EPB41L4A: variants seen among roughly 807,000 people sequenced by gnomAD.
EPB41L4A encodes band 4.1-like protein 4A.
A neutral mutation model predicts 108.6 loss-of-function variants in EPB41L4A; 100 were observed. The observed-to-expected ratio is 0.92, with a 90% confidence interval of 0.78 to 1.09. The LOEUF (loss-of-function observed/expected upper bound fraction) is 1.09, where lower values mean the gene tolerates loss of function less well. Ranked by LOEUF, EPB41L4A falls within the 50% of genes least tolerant of loss-of-function variation. The probability of loss-of-function intolerance (pLI) is 0.00; values close to 1 mark genes in which losing one functional copy is unlikely to be tolerated. For synonymous variants in EPB41L4A, 319 were observed against 289.0 expected (o/e 1.10, Z -1.05); for missense variants, 1,030 against 842.7 (o/e 1.22, Z -2.75).
At chr5:112,259,859 G>C (rs747242961) in intron 8 of EPB41L4A, 32 bp downstream of exon 8, 12 of 1,552,240 alleles carry the variant, frequency 7.7e-6, no homozygotes, top group African/African-American at 1.4e-5. Flanking sequence ...CCAAAACATA[G>C]AATGCCAACT....
chr5:112,388,260 T>C (rs1275935083), intron 1 of EPB41L4A, among the ~76,000 whole-genome samples: 4 of 152,152 alleles, frequency 2.6e-5, no homozygotes, highest in Non-Finnish European at 4.4e-5. Context: ...AAAAGTGCAA[T>C]GCAAAGCTGA....
At chr5:112,279,635 A>G (rs972325589) in intron 3 of EPB41L4A, among the ~76,000 whole-genome samples, 1 of 152,166 alleles carries the variant, frequency 6.6e-6, no homozygotes, top group African/African-American at 2.4e-5. Context: ...TTTTTTAAAA[A>G]GAGTATTTTT....
intron 1 of EPB41L4A, among the ~76,000 whole-genome samples, chr5:112,328,037 C>G (rs757411280): frequency 2.0e-5 from 3 of 152,082 alleles, no homozygotes; most frequent in African/African-American, 7.2e-5. Context: ...AGGCCGGACA[C>G]GGTGGCTCAC....
chr5:112,419,073 G>C lies in EPB41L4A; in HGVS notation c.-34C>G, dbSNP rs750835761. 1 of 1,556,406 alleles carries C rather than the reference G, an allele frequency of 6.4e-7. No individual in the cohort carries two copies. Among genetic ancestry groups the C allele is most frequent in the Non-Finnish European group, 8.9e-7 (1 of 1,129,392 alleles). On this transcript the variant is annotated 5_prime_UTR_variant, in exon 1 of 23. Transcript: ENST00000261486. ...TGGTCGTCTCCAGCCAGGAGAGAAAGCTACCACCGAGGCGCCCAGCCGCCC... is the reference window on the plus strand; with the variant it reads ...TGGTCGTCTCCAGCCAGGAGAGAAACCTACCACCGAGGCGCCCAGCCGCCC...
intron 12 of EPB41L4A, chr5:112,228,671 C>A (rs1748645331): frequency 1.0e-6 from 1 of 981,338 alleles, no homozygotes; most frequent in South Asian, 4.7e-5. Flanking sequence ...TGCCTACTTA[C>A]AGCAGAGACG....
chr5:112,152,641 T>C (rs1298893435), intron 12 of EPB41L4A, among the ~76,000 whole-genome samples: 1 of 152,176 alleles, frequency 6.6e-6, no homozygotes, highest in Non-Finnish European at 1.5e-5. Context: ...TAAATTTGTG[T>C]TGTGATAAAT....
chr5:112,395,888 A>T (rs551144358), intron 1 of EPB41L4A, among the ~76,000 whole-genome samples: 1 of 152,334 alleles, frequency 6.6e-6, no homozygotes, highest in African/African-American at 2.4e-5. Context: ...AATGTGGCAC[A>T]TTATACACCA....
intron 1 of EPB41L4A, among the ~76,000 whole-genome samples, chr5:112,360,554 C>T (rs923519072): frequency 3.3e-5 from 5 of 152,232 alleles, no homozygotes; most frequent in African/African-American, 7.2e-5. Flanking sequence ...GGATTGCAGA[C>T]GGAGTCTCGC....
intron 1 of EPB41L4A, among the ~76,000 whole-genome samples, chr5:112,339,480 A>ATATATATC (rs1561584946): frequency 0.02 from 648 of 32,888 alleles, 9 homozygotes; most frequent in African/African-American, 0.072. Context: ...ATATCTATAT[A>ATATATATC]TATATATATA....
intron 12 of EPB41L4A, among the ~76,000 whole-genome samples, chr5:112,224,109 G>C (rs546273548): frequency 1.3e-5 from 2 of 152,138 alleles, no homozygotes; most frequent in South Asian, 4.2e-4. Context: ...CTGCCACTGC[G>C]TCCGGCTAAT....
Position 112,419,001 on chromosome 5 carries a change from G to T in EPB41L4A, c.39C>A (p.Cys13Ter). Residue 13 changes from cysteine (C) to a stop codon, truncating the protein, a stop_gained, in exon 1 of 23, where the codon TGC becomes TGA. Transcript: ENST00000261486. LOFTEE classifies it high-confidence loss of function. The part of the protein sequence containing the change: ...CFCAVPEEFY[C>*]EVLLLDESKL... ...TGGATTCATCCAGGAGCAAAACTTCGCAGTAAAATTCTTCCGGAACAGCGC... is the reference window on the plus strand; with the variant it reads ...TGGATTCATCCAGGAGCAAAACTTCTCAGTAAAATTCTTCCGGAACAGCGC... 1 of 1,613,602 alleles carries T rather than the reference G, an allele frequency of 6.2e-7. No individual in the cohort carries two copies. The highest frequency in any genetic ancestry group is 8.5e-7 in the Non-Finnish European group (1 of 1,179,702).
At chr5:112,186,041 C>T (rs1761410781) in intron 17 of EPB41L4A, among the ~76,000 whole-genome samples, 1 of 152,172 alleles carries the variant, frequency 6.6e-6, no homozygotes, top group Admixed American at 6.5e-5. Flanking sequence ...TCCCTTCCTA[C>T]AGGAACCCAC....
intron 1 of EPB41L4A, among the ~76,000 whole-genome samples, chr5:112,352,478 T>C (rs765803218): frequency 1.3e-5 from 2 of 152,212 alleles, no homozygotes; most frequent in African/African-American, 2.4e-5. Flanking sequence ...ATATATGATA[T>C]AATTGCATTT....
downstream of EPB41L4A, chr5:112,161,482 GTCAGCCTTTGTGTTGCCCAT>G (rs747336661): frequency 1.9e-6 from 1 of 518,782 alleles, no homozygotes. Context: ...CTCACGCAGT[GTCAGCCTTTGTGTTGCCCAT>G]TCACTTTGGA....
Position 112,247,566 on chromosome 5 carries a change from T to C in EPB41L4A, c.796-6756A>G, listed in dbSNP as rs529303605. Among the ~76,000 whole-genome samples, 7 of 152,244 alleles carry C rather than the reference T, an allele frequency of 4.6e-5. No individual in the cohort carries two copies. In the South Asian group the frequency reaches 1.2e-3, roughly 27 times the overall value. On this transcript the variant is annotated intron_variant, in intron 9 of 22. Transcript: ENST00000261486. ...CATTTTTACATTTTTAGCAAAATCA[T>C]CCAAAATGAGGTATAATTTAAGTAC...
At chr5:112,224,772 C>T (rs1748340442) in intron 12 of EPB41L4A, among the ~76,000 whole-genome samples, 1 of 152,100 alleles carries the variant, frequency 6.6e-6, no homozygotes, top group Non-Finnish European at 1.5e-5. Context: ...AGGGAGGGAC[C>T]ACAGACTTGG....
intron 15 of EPB41L4A, among the ~76,000 whole-genome samples, chr5:112,201,463 GA>G (rs1174600918): frequency 6.6e-6 from 1 of 152,136 alleles, no homozygotes; most frequent in Non-Finnish European, 1.5e-5. Flanking sequence ...TATTTTGTAT[GA>G]AAATATGCAA....
At chr5:112,144,329 G>T (rs1759171188) in intron 13 of EPB41L4A, among the ~76,000 whole-genome samples, 1 of 152,148 alleles carries the variant, frequency 6.6e-6, no homozygotes, top group Non-Finnish European at 1.5e-5. Context: ...CTGTTGTCCA[G>T]ACTGGAGTAC....
At chr5:112,189,239 G>T (rs1350690125) in intron 17 of EPB41L4A, among the ~76,000 whole-genome samples, 3 of 152,216 alleles carry the variant, frequency 2.0e-5, no homozygotes, top group Non-Finnish European at 4.4e-5. Flanking sequence ...ATACTGAGCA[G>T]TGCTGGATGT....
Sources: gnomAD v4.1 joint callset for allele counts (sites outside exome capture counted in the v4.1 genomes callset) on GRCh38, gnomAD v4.1.1 for gene constraint, MANE v1.5 for transcripts, NCBI Gene and HGNC (gene_info 2026-07-23, HGNC 2026-07-21) for gene names.